FOXJ3: variants seen among roughly 807,000 people sequenced by gnomAD.
FOXJ3 encodes forkhead box J3.
A neutral mutation model predicts 76.1 loss-of-function variants in FOXJ3; 22 were observed. The observed-to-expected ratio is 0.29, with a 90% confidence interval of 0.21 to 0.41. FOXJ3 has a LOEUF of 0.41. Ranked by LOEUF, FOXJ3 falls within the 10% of genes least tolerant of loss-of-function variation. The probability of loss-of-function intolerance (pLI) is 1.00; values close to 1 mark genes in which losing one functional copy is unlikely to be tolerated. For missense variants in FOXJ3, 613 were observed against 762.1 expected, an observed-to-expected ratio of 0.80 and a Z score of 2.30; for synonymous variants, 269 against 261.2, an observed-to-expected ratio of 1.03 and a Z score of -0.29.
rs1413097296 is a variant in FOXJ3 at position 42,277,726 on chromosome 1, G to T, written c.369+622C>A. ...GCGGGAGAATGGCGTGAACCCGGGAGGCGGAGCTTGCAGTGAGCCGAGATC... is the reference window on the plus strand; with the variant it reads ...GCGGGAGAATGGCGTGAACCCGGGATGCGGAGCTTGCAGTGAGCCGAGATC... On this transcript the variant is annotated intron_variant, in intron 3 of 12. Coordinates refer to ENST00000361346, the MANE Select transcript of FOXJ3 (RefSeq NM_014947.5). Among the ~76,000 whole-genome samples the T allele has an allele frequency of 1.2e-4, 2 of 16,800 alleles. 1 individual carries two copies. Among genetic ancestry groups the T allele is most frequent in the Non-Finnish European group, 3.1e-4 (2 of 6,530 alleles). 11.0% of individuals were successfully genotyped at this position (16,800 alleles called of 152,430 possible).
chr1:42,189,500 G>T, intron 9 of FOXJ3, 96 bp from the exon 10 acceptor site: 1 of 845,862 alleles, frequency 1.2e-6, no homozygotes, highest in Non-Finnish European at 1.9e-6. Flanking sequence ...GAAATTGGCT[G>T]ATTCTTGTCC....
At chr1:42,194,485 G>T (rs1041355808) in intron 8 of FOXJ3, among the ~76,000 whole-genome samples, 1 of 152,190 alleles carries the variant, frequency 6.6e-6, no homozygotes, top group Non-Finnish European at 1.5e-5. Context: ...ACCACATTCC[G>T]ATAGTTATCT....
At chr1:42,247,650 G>C (rs1434591515) in intron 4 of FOXJ3, among the ~76,000 whole-genome samples, 2 of 152,178 alleles carry the variant, frequency 1.3e-5, no homozygotes, top group Non-Finnish European at 2.9e-5. Flanking sequence ...TATTGGCAAG[G>C]ATGTGAAAAA....
chr1:42,219,483 A>G (rs1647136619), intron 5 of FOXJ3, among the ~76,000 whole-genome samples: 2 of 152,224 alleles, frequency 1.3e-5, no homozygotes, highest in South Asian at 4.1e-4. Context: ...TATACCCCTC[A>G]GGGAGGTCTA....
chr1:42,272,737 A>G (rs1651951524), intron 3 of FOXJ3, among the ~76,000 whole-genome samples: 1 of 152,238 alleles, frequency 6.6e-6, no homozygotes, highest in Admixed American at 6.5e-5. Flanking sequence ...TTTTAGGTAG[A>G]CGTCATCAAA....
chr1:42,320,557 T>C (rs1452384985), intron 1 of FOXJ3, among the ~76,000 whole-genome samples: 1 of 152,214 alleles, frequency 6.6e-6, no homozygotes, highest in Non-Finnish European at 1.5e-5. Flanking sequence ...TATGTTTAAA[T>C]ACTGAAATTA....
At chr1:42,223,489 ACTT>A (rs1329366540) in intron 5 of FOXJ3, among the ~76,000 whole-genome samples, 1 of 152,204 alleles carries the variant, frequency 6.6e-6, no homozygotes, top group African/African-American at 2.4e-5. Flanking sequence ...GCCCACCTGT[ACTT>A]CTTACCTACT....
chr1:42,194,780 T>A, intron 8 of FOXJ3, 110 bp downstream of exon 8: 3 of 695,330 alleles, frequency 4.3e-6, no homozygotes, highest in Non-Finnish European at 7.0e-6. Flanking sequence ...CTGATTCTTA[T>A]TGTGATGATA....
chr1:42,223,558 A>C (rs1028440102), intron 5 of FOXJ3, among the ~76,000 whole-genome samples: 1 of 152,168 alleles, frequency 6.6e-6, no homozygotes, highest in Non-Finnish European at 1.5e-5. Flanking sequence ...TTTTCTACGC[A>C]AAAACAGCTC....
At chr1:42,321,814 G>C (rs894357723) in intron 1 of FOXJ3, among the ~76,000 whole-genome samples, 1 of 152,046 alleles carries the variant, frequency 6.6e-6, no homozygotes, top group Non-Finnish European at 1.5e-5. Context: ...ACCAAACGTG[G>C]GTTCCTGATC....
At chr1:42,324,068 AGT>A (rs1249654689) in intron 1 of FOXJ3, among the ~76,000 whole-genome samples, 1 of 100,670 alleles carries the variant, frequency 9.9e-6, no homozygotes, top group African/African-American at 3.9e-5. Context: ...GTATATACAC[AGT>A]GTATATATAG....
chr1:42,286,018 G>T (rs768641598), intron 2 of FOXJ3, among the ~76,000 whole-genome samples: 1 of 152,106 alleles, frequency 6.6e-6, no homozygotes, highest in Non-Finnish European at 1.5e-5. Flanking sequence ...AGAATCTCTG[G>T]GTTGTCTCCC....
chr1:42,181,286 T>C (rs1646312254), intron 12 of FOXJ3, among the ~76,000 whole-genome samples: 1 of 152,208 alleles, frequency 6.6e-6, no homozygotes, highest in South Asian at 2.1e-4. Flanking sequence ...TTTCCAGCTC[T>C]AACAATGTGC....
chr1:42,215,217 A>G (rs929330857), intron 5 of FOXJ3, among the ~76,000 whole-genome samples: 21 of 152,214 alleles, frequency 1.4e-4, no homozygotes, highest in African/African-American at 2.4e-5. Flanking sequence ...AACAGCTATT[A>G]TAATTATTTA....
chr1:42,287,867 G>A (rs944800119), intron 2 of FOXJ3, among the ~76,000 whole-genome samples: 8 of 152,148 alleles, frequency 5.3e-5, no homozygotes, highest in African/African-American at 1.9e-4. Flanking sequence ...AGAAGGCTAA[G>A]AGTGGGAGGA....
chr1:42,292,619 G>A (rs1312933723), intron 2 of FOXJ3, among the ~76,000 whole-genome samples: 4 of 152,162 alleles, frequency 2.6e-5, no homozygotes, highest in African/African-American at 9.7e-5. Context: ...CAGAAAAGCA[G>A]ATCAGTAGAT....
At chr1:42,209,272 A>G (rs1339519673) in intron 5 of FOXJ3, among the ~76,000 whole-genome samples, 1 of 152,228 alleles carries the variant, frequency 6.6e-6, no homozygotes, top group East Asian at 1.9e-4. Context: ...AACTATCTAA[A>G]AAAGCTATTA....
At chr1:42,213,509 G>C (rs1171734235) in intron 5 of FOXJ3, among the ~76,000 whole-genome samples, 3 of 146,980 alleles carry the variant, frequency 2.0e-5, no homozygotes, top group Non-Finnish European at 4.5e-5. Flanking sequence ...AATGATAAAA[G>C]GACCAATTCA....
At chr1:42,327,187 C>T (rs971287632) in intron 1 of FOXJ3, among the ~76,000 whole-genome samples, 1 of 152,182 alleles carries the variant, frequency 6.6e-6, no homozygotes, top group Non-Finnish European at 1.5e-5. Context: ...ACAAAGGTGC[C>T]ATTTCTGATG....
Sources: allele counts gnomAD v4.1 joint callset (sites outside exome capture counted in the v4.1 genomes callset), GRCh38; gene constraint gnomAD v4.1.1; transcripts MANE v1.5; gene names NCBI Gene and HGNC (gene_info 2026-07-23, HGNC 2026-07-21).